Variants in RNF19A observed in about 807,000 individuals in gnomAD.
RNF19A encodes the protein ring finger protein 19A, RBR E3 ubiquitin protein ligase, also known as E3 ubiquitin-protein ligase RNF19A.
In RNF19A, 32 loss-of-function variants were observed where a neutral mutation model predicts 75.7. The observed-to-expected ratio is 0.42, with a 90% CI of 0.32 to 0.57. The LOEUF is 0.57. RNF19A is among the 20% of genes least tolerant of loss of function. The pLI, the probability that RNF19A is intolerant of heterozygous loss-of-function variation, is 0.10. For synonymous variants in RNF19A, 335 were observed against 345.2 expected, an observed-to-expected ratio of 0.97 and a Z score of 0.33; for missense variants, 782 against 1,036.3, an observed-to-expected ratio of 0.75 and a Z score of 3.37.
chr8:100,263,842 C>A (rs1819840451), intron 7 of RNF19A, among the ~76,000 whole-genome samples, 192 bp downstream of exon 7: 1 of 151,928 alleles, frequency 6.6e-6, no homozygotes. Context: ...GGTCAGATAC[C>A]CAGAATTACC....
intron 2 of RNF19A, among the ~76,000 whole-genome samples, chr8:100,281,489 T>C (rs756983096): frequency 3.9e-5 from 6 of 152,130 alleles, no homozygotes; most frequent in Non-Finnish European, 7.4e-5. Context: ...ATTGATAACA[T>C]CAAGCAAGTA....
At position 100,259,326 on chromosome 8, in the gene RNF19A, G is replaced by T; in HGVS notation, c.1827-80C>A. The T allele has an allele frequency of 1.8e-6, 2 of 1,128,676 alleles. No homozygotes were observed. The highest frequency in any genetic ancestry group is 2.5e-6 in the Non-Finnish European group (2 of 788,588). 69.9% of individuals were successfully genotyped at this position (1,128,676 alleles called of 1,614,324 possible). A position where few individuals can be genotyped will look rare whatever the true frequency, so the allele number is the denominator to read the frequency against. ...ATGACTGGGGGAAGGGTTTCTATGTGGAAAATTCAGACTATATATAAGCTA... is the reference window on the plus strand; with the variant it reads ...ATGACTGGGGGAAGGGTTTCTATGTTGAAAATTCAGACTATATATAAGCTA... On this transcript the variant is annotated intron_variant, in intron 9 of 9. Transcript: ENST00000341084. The surrounding 1 kb of genome is among the most constrained non-coding windows in gnomAD (Gnocchi z 4.5).
rs995587894 is a variant in RNF19A, at chr8:100,309,757, G to C, written c.-94+110C>G. ...GGACTTCCGAATCCATTTCTGTCCC[G>C]GGCAGGGGCGCTAGGGCTGCGGCCC... On this transcript the variant is annotated intron_variant, in intron 1 of 9. Coordinates refer to ENST00000341084, the MANE Select transcript of RNF19A (RefSeq NM_183419.4). The C allele has an allele frequency of 6.1e-6, 6 of 985,038 alleles. No homozygotes were observed. In the Admixed American group the frequency reaches 1.8e-4, roughly 30 times the overall value. 61.0% of individuals were successfully genotyped at this position (985,038 alleles called of 1,614,324 possible). A position where few individuals can be genotyped will look rare whatever the true frequency, so the allele number is the denominator to read the frequency against.
chr8:100,304,684 C>T (rs571165983), intron 1 of RNF19A, among the ~76,000 whole-genome samples: 2 of 152,292 alleles, frequency 1.3e-5, no homozygotes, highest in Admixed American at 1.3e-4. Flanking sequence ...CCAACCTAGT[C>T]GCCTCTCCTG....
intron 1 of RNF19A, among the ~76,000 whole-genome samples, chr8:100,320,896 G>A (rs1822456944): frequency 6.6e-6 from 1 of 152,036 alleles, no homozygotes; most frequent in African/African-American, 2.4e-5. Flanking sequence ...ATTATATTGT[G>A]GGCTATTAAG....
intron 5 of RNF19A, 21 bp downstream of exon 5, chr8:100,268,760 GACTA>G: frequency 6.9e-7 from 1 of 1,446,682 alleles, no homozygotes; most frequent in Non-Finnish European, 9.3e-7. Flanking sequence ...TAAGATAATG[GACTA>G]ACAAGAAGTA....
chr8:100,266,735 A>C (rs1819999404), intron 5 of RNF19A, among the ~76,000 whole-genome samples: 1 of 151,674 alleles, frequency 6.6e-6, no homozygotes, highest in South Asian at 2.1e-4. Context: ...CTGGTCTCAA[A>C]CTCCTGGATT....
intron 2 of RNF19A, among the ~76,000 whole-genome samples, chr8:100,279,873 C>G (rs763296068): frequency 1.3e-5 from 2 of 151,124 alleles, no homozygotes; most frequent in Non-Finnish European, 2.9e-5. Flanking sequence ...CCATGTTAGT[C>G]AGGCTGGTCT....
intron 1 of RNF19A, among the ~76,000 whole-genome samples, chr8:100,292,352 CAT>C (rs1255970615): frequency 6.6e-6 from 1 of 151,506 alleles, no homozygotes; most frequent in Admixed American, 6.6e-5. Context: ...GCACTAGGCA[CAT>C]GTTTATATCC....
rs1563829332 is a variant in RNF19A, at chr8:100,259,147, G to A, written c.1926C>T (p.Thr642=). The part of the protein sequence containing the change: ...GSSSVDDGSA[T]RSHAGGSSSG... ...TGGATGAACCGCCAGCATGACTTCG[G>A]GTGGCACTGCCATCATCCACACTAC... The change falls in exon 10 of 10, where the codon ACC becomes ACT. Residue 642 remains threonine (T), a synonymous_variant. Transcript: ENST00000341084. The surrounding 1 kb of genome is among the most constrained non-coding windows in gnomAD (Gnocchi z 4.5). The A allele has an allele frequency of 1.9e-6, 3 of 1,614,090 alleles. No individual in the cohort carries two copies. The highest frequency in any genetic ancestry group is 2.5e-6 in the Non-Finnish European group (3 of 1,180,010).
rs552615503 is a variant in RNF19A, at chr8:100,261,103, CT to C, written c.1682+438del. The stretch of plus-strand genomic sequence containing the variant: ...CTTAGAAATCTACCACCAAATTTTT[CT>C]TTTTTTTTTTGAGACAGGGTCTCAC... On this transcript the variant is annotated intron_variant, in intron 8 of 9. Coordinates refer to ENST00000341084, the MANE Select transcript of RNF19A (RefSeq NM_183419.4). The surrounding 1 kb of genome is among the most constrained non-coding windows in gnomAD (Gnocchi z 4.4). Among the ~76,000 whole-genome samples the C allele has an allele frequency of 2.3e-4, 34 of 146,102 alleles. No individual in the cohort carries two copies. Among genetic ancestry groups the C allele is most frequent in the East Asian group, 2.0e-4 (1 of 5,050 alleles).
At chr8:100,267,230 G>A (rs1820025438) in intron 5 of RNF19A, among the ~76,000 whole-genome samples, 1 of 152,098 alleles carries the variant, frequency 6.6e-6, no homozygotes, top group South Asian at 2.1e-4. Context: ...CTGCTTCTTT[G>A]TGTGTAACTG....
chr8:100,258,949 A>G lies in RNF19A; in HGVS notation c.2124T>C (p.Phe708=), dbSNP rs554624353. The G allele has an allele frequency of 1.8e-5, 29 of 1,614,204 alleles. No individual in the cohort carries two copies. Among genetic ancestry groups the G allele is most frequent in the East Asian group, 4.5e-5 (2 of 44,892 alleles). The change falls in exon 10 of 10, where the codon TTT becomes TTC. Residue 708 remains phenylalanine, a synonymous_variant. Transcript: ENST00000341084. The surrounding 1 kb of genome is among the most constrained non-coding windows in gnomAD (Gnocchi z 4.3). ...TACTGTCACTGAGGGATGGAGCCTCAAATTCACTTGAGTTCGTGCTTTGTT... is the reference window on the plus strand; with the variant it reads ...TACTGTCACTGAGGGATGGAGCCTCGAATTCACTTGAGTTCGTGCTTTGTT... ...LEQQSTNSSE[F]EAPSLSDSMP... is the part of the protein sequence containing the mutation.
At position 100,331,717 on chromosome 8, in the gene RNF19A, A is replaced by G. The variant is rs1822613553; in HGVS notation, c.-243+4391T>C. ...GAGTGAAAGTCTCTTTTTAAATTCT[A>G]TTCTTTAATTTCCACCTCTTCAGTG... On this transcript the variant is annotated intron_variant, in intron 1 of 3. Coordinates refer to the RNF19A transcript ENST00000519527. This position sits in a 1 kb window ranked among gnomAD's most constrained non-coding sequence, Gnocchi z 5.2. Among the ~76,000 whole-genome samples, 1 of 152,182 alleles carries G rather than the reference A, an allele frequency of 6.6e-6. No individual in the cohort carries two copies. Among genetic ancestry groups the G allele is most frequent in the African/African-American group, 2.4e-5 (1 of 41,450 alleles).
Position 100,284,985 on chromosome 8 carries a change from T to TACC in RNF19A, c.674+2513_674+2515dup, listed in dbSNP as rs1013360198. Among the ~76,000 whole-genome samples the TACC allele has an allele frequency of 6.6e-6, 1 of 151,846 alleles. No individual in the cohort carries two copies. The highest frequency in any genetic ancestry group is 2.4e-5 in the African/African-American group (1 of 41,442). On this transcript the variant is annotated intron_variant, in intron 2 of 9. Transcript: ENST00000341084. This position sits in a 1 kb window ranked among gnomAD's most constrained non-coding sequence, Gnocchi z 4.3. The stretch of plus-strand genomic sequence containing the variant: ...CCAGTGGCTTTACAAGTAACTTGGT[T>TACC]ACCCCCTGAAGTTCACATCCCCTCT...
In RNF19A at chr8:100,264,701, C is replaced by T. The variant is rs933072194; in HGVS notation, c.1276G>A (p.Val426Met). ...IAGGVTLSVI[V>M]SPVVAAVTVG... Reference sequence around the variant, plus strand: ...GTCACTGCAGCTACTACTGGAGACACGATTACAGACAACGTTACACCACCT... The same window carrying T: ...GTCACTGCAGCTACTACTGGAGACATGATTACAGACAACGTTACACCACCT... Residue 426 changes from valine (V) to methionine (M), a missense_variant, in exon 6 of 10, where the codon GTG (valine) becomes ATG (methionine). Val to Met is a conservative substitution (Grantham distance 21). Coordinates refer to ENST00000341084, the MANE Select transcript of RNF19A (RefSeq NM_183419.4). The surrounding 1 kb of genome is among the most constrained non-coding windows in gnomAD (Gnocchi z 4.7). 35 of 1,613,104 alleles carry T rather than the reference C, an allele frequency of 2.2e-5. No individual in the cohort carries two copies. Among genetic ancestry groups the T allele is most frequent in the African/African-American group, 8.0e-5 (6 of 74,880 alleles).
At chr8:100,321,283 T>C (rs983351891) in intron 1 of RNF19A, among the ~76,000 whole-genome samples, 1 of 152,268 alleles carries the variant, frequency 6.6e-6, no homozygotes, top group African/African-American at 2.4e-5. Flanking sequence ...TTATGAAATC[T>C]TCTGAATCCT....
chr8:100,287,987 CT>C lies in RNF19A; in HGVS notation c.187del (p.Arg63GlufsTer5), dbSNP rs1586648283. ...LPSVKKAPKK[R>X]RISIGSLFRR... ...AAACAGGGAGCCTATTGAAATTCTT[CT>C]TTTTTTGGGTGCCTTTTTGACTGAA... On this transcript the variant is annotated frameshift_variant, in exon 2 of 10. Coordinates refer to ENST00000341084, the MANE Select transcript of RNF19A (RefSeq NM_183419.4). LOFTEE classifies it high-confidence loss of function. The surrounding 1 kb of genome is among the most constrained non-coding windows in gnomAD (Gnocchi z 4.1). 1 of 1,614,066 alleles carries C rather than the reference CT, an allele frequency of 6.2e-7. No homozygotes were observed. The highest frequency in any genetic ancestry group is 8.5e-7 in the Non-Finnish European group (1 of 1,179,994).
intron 1 of RNF19A, among the ~76,000 whole-genome samples, chr8:100,288,953 G>A (rs916930339): frequency 2.0e-5 from 3 of 151,682 alleles, no homozygotes; most frequent in South Asian, 2.1e-4. Context: ...CCAGCTATTC[G>A]GGAGGCTGAG....
Sources: gnomAD v4.1 joint callset for allele counts (sites outside exome capture counted in the v4.1 genomes callset) on GRCh38, gnomAD v4.1.1 for gene constraint, Gnocchi (gnomAD v3.1) non-coding constraint, MANE v1.5 for transcripts, NCBI Gene and HGNC (gene_info 2026-07-23, HGNC 2026-07-21) for gene names.